The following RAB4B variants were observed in gnomAD, a reference collection of about 807,000 sequenced individuals.
The protein encoded by RAB4B is ras-related protein Rab-4B.
In RAB4B, 15 loss-of-function variants were observed where a neutral mutation model predicts 28.3. The ratio of observed to expected loss-of-function variants is 0.53; its 90% confidence interval spans 0.35 to 0.82. The LOEUF (loss-of-function observed/expected upper bound fraction) is 0.82, where lower values mean the gene tolerates loss of function less well. RAB4B is among the 40% of genes least tolerant of loss of function. The pLI, the probability that RAB4B is intolerant of heterozygous loss-of-function variation, is 0.01. For missense variants in RAB4B, 244 were observed against 288.5 expected, an observed-to-expected ratio of 0.85 and a Z score of 1.12; for synonymous variants, 108 against 116.3, an observed-to-expected ratio of 0.93 and a Z score of 0.46.
intron 7 of RAB4B, among the ~76,000 whole-genome samples, chr19:40,791,540 T>C (rs1428942603): frequency 1.3e-5 from 2 of 151,976 alleles, no homozygotes; most frequent in Non-Finnish European, 2.9e-5. Context: ...CTCTGGGCCC[T>C]TGCTCATGCT....
chr19:40,779,297 T>C (rs2145035207), intron 1 of RAB4B: 1 of 152,586 alleles, frequency 6.6e-6, no homozygotes, highest in East Asian at 1.9e-4. Context: ...AGTTAACCTT[T>C]CTGGCCTGTT....
At chr19:40,779,949 G>C (rs1393982995) in intron 1 of RAB4B, 70 bp from the exon 2 acceptor site, 3 of 1,609,122 alleles carry the variant, frequency 1.9e-6, no homozygotes, top group Non-Finnish European at 1.7e-6. Flanking sequence ...AGATTGGATT[G>C]GAATCCATCT....
intron 1 of RAB4B, 91 bp downstream of exon 1, chr19:40,778,482 C>CG: frequency 7.8e-7 from 1 of 1,279,524 alleles, no homozygotes; most frequent in South Asian, 1.8e-5. Context: ...GATCAGGGGG[C>CG]GGGGTCTGGT....
intron 1 of RAB4B, 171 bp from the exon 2 acceptor site, chr19:40,779,848 T>TA (rs2083030459): frequency 6.9e-7 from 1 of 1,439,554 alleles, no homozygotes; most frequent in Non-Finnish European, 9.2e-7. Flanking sequence ...ACATGGCAAG[T>TA]ACTACATAAG....
chr19:40,794,538 T>C (rs2083190143), intron 7 of RAB4B: 1 of 151,548 alleles, frequency 6.6e-6, no homozygotes, highest in Non-Finnish European at 1.5e-5. Flanking sequence ...GCCCAACCAA[T>C]AGAATATTCT....
At chr19:40,794,237 G>A (rs1432961848) in intron 7 of RAB4B, among the ~76,000 whole-genome samples, 1 of 151,710 alleles carries the variant, frequency 6.6e-6, no homozygotes, top group East Asian at 1.9e-4. Context: ...ACCACGCCCA[G>A]CTAATTTCTT....
chr19:40,794,589 A>G (rs976363465), intron 7 of RAB4B: 1 of 151,978 alleles, frequency 6.6e-6, no homozygotes, highest in Non-Finnish European at 1.5e-5. Flanking sequence ...GTTCTGTGCT[A>G]TTCTGTTTGA....
chr19:40,782,725 A>T (rs1040505261), intron 3 of RAB4B, among the ~76,000 whole-genome samples: 1 of 152,176 alleles, frequency 6.6e-6, no homozygotes, highest in African/African-American at 2.4e-5. Context: ...AGGCAGGAGA[A>T]TCACTTGCAT....
intron 7 of RAB4B, among the ~76,000 whole-genome samples, chr19:40,793,565 C>CT (rs1269603015): frequency 5.7e-5 from 7 of 123,864 alleles, no homozygotes; most frequent in South Asian, 5.5e-4. Flanking sequence ...CTTTTCTTTT[C>CT]TTTTTTGTTT....
rs200380563 is a variant in RAB4B, at chr19:40,783,679, AG to A, written c.213-91del. The A allele has an allele frequency of 1.2e-3, 1,472 of 1,194,896 alleles. 11 individuals carry two copies. The African/African-American group carries it at 0.018, about 15-fold the overall frequency. The allele number at this position is 1,194,896 out of a possible 1,614,324, so 74.0% of individuals were successfully genotyped here. On this transcript the variant is annotated intron_variant, in intron 3 of 7. Transcript: ENST00000357052. The stretch of plus-strand genomic sequence containing the variant: ...GTTTTGGGGGATGGGCCAGCAGTGA[AG>A]GGGGGGGCCTCCGAACCACCAGTCT...
rs539088240 is a variant in RAB4B at position 40,782,027 on chromosome 19, A to C, written c.212+1528A>C. Among the ~76,000 whole-genome samples the C allele has an allele frequency of 1.4e-4, 22 of 151,754 alleles. 1 individual carries two copies. The East Asian group carries it at 4.3e-3, about 29-fold the overall frequency. ...CAGAGCTAGGCTCCGTTTCAAAAAAAAAAAAAAAAAAACCTTAGGAGAGTC... is the reference window on the plus strand; with the variant it reads ...CAGAGCTAGGCTCCGTTTCAAAAAACAAAAAAAAAAAACCTTAGGAGAGTC... On this transcript the variant is annotated intron_variant, in intron 3 of 7. Coordinates refer to ENST00000357052, the MANE Select transcript of RAB4B (RefSeq NM_016154.5).
At chr19:40,783,147 C>CAAAAAAAA (rs1168587843) in intron 3 of RAB4B, among the ~76,000 whole-genome samples, 71 of 35,590 alleles carry the variant, frequency 2.0e-3, no homozygotes, top group Non-Finnish European at 2.8e-3. Context: ...GATTCCTACT[C>CAAAAAAAA]AAAAAAAAAA....
At chr19:40,790,350 CTCTCT>C (rs1016303447) in intron 7 of RAB4B, among the ~76,000 whole-genome samples, 6 of 151,158 alleles carry the variant, frequency 4.0e-5, no homozygotes, top group African/African-American at 1.5e-4. Flanking sequence ...GTCTTGGCCT[CTCTCT>C]TTTTTTTTTT....
chr19:40,790,685 T>A (rs1384895166), intron 7 of RAB4B, among the ~76,000 whole-genome samples: 7 of 84,466 alleles, frequency 8.3e-5, no homozygotes, highest in Non-Finnish European at 1.8e-4. Flanking sequence ...TTTTTTTTTT[T>A]AATTTTAGAG....
chr19:40,794,997 C>CAAAAAAAAAAAAA (rs59417778), intron 7 of RAB4B, among the ~76,000 whole-genome samples: 3 of 99,886 alleles, frequency 3.0e-5, no homozygotes, highest in Non-Finnish European at 3.8e-5. Context: ...ACTAAAAATA[C>CAAAAAAAAAAAAA]AAAAAAAAAA....
intron 5 of RAB4B, among the ~76,000 whole-genome samples, chr19:40,785,194 A>G (rs1163529966): frequency 6.6e-6 from 1 of 151,934 alleles, no homozygotes; most frequent in Non-Finnish European, 1.5e-5. Context: ...AGTGCAGCAT[A>G]CTGACAACCC....
intron 7 of RAB4B, among the ~76,000 whole-genome samples, chr19:40,790,856 A>AT (rs35337272): frequency 0.21 from 24,739 of 116,030 alleles, 2,683 homozygotes; most frequent in African/African-American, 0.36. Flanking sequence ...TAATTTTTGT[A>AT]TTTTTTTTTT....
intron 7 of RAB4B, among the ~76,000 whole-genome samples, chr19:40,793,449 C>G (rs975598948): frequency 6.6e-6 from 1 of 151,876 alleles, no homozygotes; most frequent in African/African-American, 2.4e-5. Flanking sequence ...CCATGTTGCT[C>G]AGGCTGGTCT....
chr19:40,786,075 G>A (rs1317141148), intron 5 of RAB4B: 1 of 172,562 alleles, frequency 5.8e-6, no homozygotes, highest in African/African-American at 2.5e-5. Flanking sequence ...TACATGGGAT[G>A]GGGGGCAAGG....
Sources: allele counts gnomAD v4.1 joint callset (sites outside exome capture counted in the v4.1 genomes callset), GRCh38; gene constraint gnomAD v4.1.1; transcripts MANE v1.5; gene names NCBI Gene and HGNC (gene_info 2026-07-23, HGNC 2026-07-21).